TBC1D32: variants seen among roughly 807,000 people sequenced by gnomAD.
TBC1D32 encodes the protein TBC1 domain family member 32, also known as protein broad-minded.
TBC1D32 carries 151 observed loss-of-function variants against 170.3 expected under a neutral mutation model. That is an observed-to-expected ratio of 0.89 (90% CI 0.78 to 1.01). The LOEUF (loss-of-function observed/expected upper bound fraction) is 1.01, where lower values mean the gene tolerates loss of function less well. Ranked by LOEUF, TBC1D32 falls within the 50% of genes least tolerant of loss-of-function variation. TBC1D32 has a pLI of 0.00. For synonymous variants in TBC1D32, 498 were observed against 488.0 expected, an observed-to-expected ratio of 1.02 and a Z score of -0.27; for missense variants, 1,464 against 1,457.1, an observed-to-expected ratio of 1.00 and a Z score of -0.08.
At chr6:121,303,909 T>TACTTTAACTACA in intron 8 of TBC1D32, 148 bp from the exon 9 acceptor site, 1 of 478,314 alleles carries the variant, frequency 2.1e-6, no homozygotes, top group East Asian at 3.5e-5. Flanking sequence ...TCAATGTTTC[T>TACTTTAACTACA]GCTTTAACTA....
At chr6:121,130,476 T>C (rs544700759) in intron 25 of TBC1D32, among the ~76,000 whole-genome samples, 2 of 152,230 alleles carry the variant, frequency 1.3e-5, no homozygotes, top group South Asian at 4.1e-4. Flanking sequence ...AGCAAGACTC[T>C]GTCTCAAAAA....
intron 15 of TBC1D32, among the ~76,000 whole-genome samples, chr6:121,270,736 A>T (rs535312913): frequency 6.6e-6 from 1 of 152,296 alleles, no homozygotes; most frequent in South Asian, 2.1e-4. Context: ...ATAGAAAAAG[A>T]GGGAATCCTC....
At chr6:121,306,279 G>C (rs757898778) in intron 5 of TBC1D32, among the ~76,000 whole-genome samples, 1 of 152,132 alleles carries the variant, frequency 6.6e-6, no homozygotes, top group Non-Finnish European at 1.5e-5. Context: ...CTGTTTACCA[G>C]TATAATCATA....
In TBC1D32 at chr6:121,296,491, T is replaced by C. The variant is rs114480747; in HGVS notation, c.1141-1831A>G. ...AAAAATCATTATCTTTTCCAGCAAA[T>C]GTTTGCCTCCTACTGTGTTACTTAT... On this transcript the variant is annotated intron_variant, in intron 10 of 31. Coordinates refer to ENST00000398212, the MANE Select transcript of TBC1D32 (RefSeq NM_152730.6). 8.9e-3 allele frequency among the ~76,000 whole-genome samples: 1,349 copies of C among 152,278 alleles called. 25 individuals are homozygous for C. The highest frequency in any genetic ancestry group is 0.031 in the African/African-American group (1,275 of 41,564).
At chr6:121,149,937 C>T (rs1168947302) in intron 24 of TBC1D32, among the ~76,000 whole-genome samples, 1 of 152,156 alleles carries the variant, frequency 6.6e-6, no homozygotes, top group African/African-American at 2.4e-5. Flanking sequence ...TTTCCTTAAG[C>T]AGTGGTTTGT....
intron 8 of TBC1D32, among the ~76,000 whole-genome samples, chr6:121,304,074 T>A (rs1806938039): frequency 6.8e-6 from 1 of 148,100 alleles, no homozygotes; most frequent in Non-Finnish European, 1.5e-5. Context: ...CAAAGACCAA[T>A]AAGAACCTAA....
At chr6:121,091,610 G>C (rs1188900474) in intron 30 of TBC1D32, among the ~76,000 whole-genome samples, 1 of 151,866 alleles carries the variant, frequency 6.6e-6, no homozygotes, top group Non-Finnish European at 1.5e-5. Flanking sequence ...TTTATTTTTT[G>C]AATAACATTT....
chr6:121,181,901 C>T (rs1386428249), intron 22 of TBC1D32, among the ~76,000 whole-genome samples: 1 of 152,014 alleles, frequency 6.6e-6, no homozygotes, highest in African/African-American at 2.4e-5. Context: ...TGTTCTTACT[C>T]ACATGTGGGA....
chr6:121,300,928 C>T (rs1806371437), intron 9 of TBC1D32, among the ~76,000 whole-genome samples: 1 of 152,122 alleles, frequency 6.6e-6, no homozygotes. Flanking sequence ...AGCCAAAAGA[C>T]ACATGAAAAA....
At chr6:121,130,769 T>C (rs1355602269) in intron 25 of TBC1D32, among the ~76,000 whole-genome samples, 8 of 152,190 alleles carry the variant, frequency 5.3e-5, no homozygotes, top group Non-Finnish European at 1.0e-4. Context: ...TATATTAAAC[T>C]GTGCAGCCCA....
At position 121,334,313 on chromosome 6, in the gene TBC1D32, G is replaced by A; in HGVS notation, c.118C>T (p.Leu40Phe). The change falls in exon 1 of 32, where the codon CTT (leucine) becomes TTT (phenylalanine). Residue 40 changes from leucine (L) to phenylalanine (F), a missense_variant. Coordinates refer to ENST00000398212, the MANE Select transcript of TBC1D32 (RefSeq NM_152730.6). ...APSLECAEEI[L>F]LHLEETDENF... ...TCATCAGTTTCCTCCAGATGTAAAA[G>A]AATCTCTTCGGCACACTCCAGGGAA... 1 of 1,614,090 alleles carries A rather than the reference G, an allele frequency of 6.2e-7. No homozygotes were observed. Among genetic ancestry groups the A allele is most frequent in the Non-Finnish European group, 8.5e-7 (1 of 1,180,000 alleles).
rs1486711306 is a variant in TBC1D32 at position 121,115,187 on chromosome 6, A to C, written c.3038T>G (p.Ile1013Ser). Reference protein sequence around the residue: ...ESLSSVQQLGIKMTVRYGKFL... With the variant: ...ESLSSVQQLGSKMTVRYGKFL... ...TATAATATACCTGACAGTCATTTTA[A>C]TGCCAAGCTGCTGCACAGATGAAAG... Residue 1013 changes from isoleucine (I) to serine (S), a missense_variant, in exon 27 of 32, where the codon ATT (isoleucine) becomes AGT (serine). Around this residue, in one of 3 missense-constraint regions of TBC1D32, gnomAD observed 1,363 missense variants for 1,338.1 expected, o/e 1.02. Coordinates refer to ENST00000398212, the MANE Select transcript of TBC1D32 (RefSeq NM_152730.6). 2 of 1,598,842 alleles carry C rather than the reference A, an allele frequency of 1.3e-6. No individual in the cohort carries two copies. Among genetic ancestry groups the C allele is most frequent in the Non-Finnish European group, 1.7e-6 (2 of 1,171,324 alleles).
chr6:121,134,902 TG>T (rs1440174536), intron 24 of TBC1D32, among the ~76,000 whole-genome samples: 2 of 152,194 alleles, frequency 1.3e-5, no homozygotes, highest in Non-Finnish European at 2.9e-5. Flanking sequence ...GCCTTCTAGA[TG>T]TCTTCCCTGA....
chr6:121,149,012 G>C (rs1783844209), intron 24 of TBC1D32, among the ~76,000 whole-genome samples: 2 of 151,606 alleles, frequency 1.3e-5, no homozygotes. Context: ...GGCCAGTGAT[G>C]ATGAGCTATT....
chr6:121,232,099 T>C (rs1026373408), intron 20 of TBC1D32, among the ~76,000 whole-genome samples: 2 of 152,148 alleles, frequency 1.3e-5, no homozygotes, highest in African/African-American at 2.4e-5. Flanking sequence ...TTGATTTTTC[T>C]ATATAAGGTG....
chr6:121,082,989 C>A (rs1311444717), intron 31 of TBC1D32, among the ~76,000 whole-genome samples: 1 of 151,900 alleles, frequency 6.6e-6, no homozygotes, highest in East Asian at 1.9e-4. Flanking sequence ...TCCAAAATAT[C>A]TACATTTTAC....
chr6:121,226,321 A>G (rs1357650441), intron 20 of TBC1D32, among the ~76,000 whole-genome samples: 2 of 152,052 alleles, frequency 1.3e-5, no homozygotes, highest in Non-Finnish European at 2.9e-5. Context: ...ATGGGGGGAT[A>G]TAAGGATGAC....
chr6:121,088,685 A>G (rs555419126), intron 31 of TBC1D32, among the ~76,000 whole-genome samples: 1 of 152,338 alleles, frequency 6.6e-6, no homozygotes, highest in African/African-American at 2.4e-5. Flanking sequence ...TATGGTATCT[A>G]TCAAAAAAAC....
At chr6:121,085,030 TA>T (rs981944376) in intron 31 of TBC1D32, among the ~76,000 whole-genome samples, 33 of 151,638 alleles carry the variant, frequency 2.2e-4, no homozygotes, top group African/African-American at 8.0e-4. Context: ...ACATATAGAA[TA>T]AAAAATTACC....
Sources: gnomAD v4.1 joint callset for allele counts (sites outside exome capture counted in the v4.1 genomes callset) on GRCh38, gnomAD v4.1.1 for gene constraint, gnomAD v4.1.1 regional missense constraint, MANE v1.5 for transcripts, NCBI Gene and HGNC (gene_info 2026-07-23, HGNC 2026-07-21) for gene names.